PELI2: variants seen among roughly 807,000 people sequenced by gnomAD.
The protein encoded by PELI2 is pellino E3 ubiquitin protein ligase family member 2, also known as E3 ubiquitin-protein ligase pellino homolog 2.
PELI2 carries 23 observed loss-of-function variants against 42.3 expected under a neutral mutation model. The ratio of observed to expected loss-of-function variants is 0.54; its 90% CI spans 0.39 to 0.77. The LOEUF (loss-of-function observed/expected upper bound fraction) is 0.77, where lower values mean the gene tolerates loss of function less well. PELI2 is among the 30% of genes least tolerant of loss of function. The probability of loss-of-function intolerance (pLI) is 0.00; values close to 1 mark genes in which losing one functional copy is unlikely to be tolerated. For synonymous variants in PELI2, 245 were observed against 212.2 expected (o/e 1.15, Z -1.34); for missense variants, 463 against 553.2 (o/e 0.84, Z 1.64).
chr14:56,204,658 A>G (rs1886449895), intron 2 of PELI2, among the ~76,000 whole-genome samples: 1 of 151,922 alleles, frequency 6.6e-6, no homozygotes, highest in South Asian at 2.1e-4. Flanking sequence ...GTGTTTGGAG[A>G]AAGAGGAAAT....
chr14:56,232,103 C>T (rs1685807), intron 2 of PELI2, among the ~76,000 whole-genome samples: 61,161 of 151,660 alleles, frequency 0.4, 13,017 homozygotes, highest in South Asian at 0.53. Flanking sequence ...GCTCTGAAAT[C>T]GTGGCAATAA....
chr14:56,212,422 G>A (rs903001835), intron 2 of PELI2, among the ~76,000 whole-genome samples: 1 of 152,212 alleles, frequency 6.6e-6, no homozygotes, highest in Non-Finnish European at 1.5e-5. Flanking sequence ...AAGCCCTGAT[G>A]TCGTTGCCAT....
intron 2 of PELI2, among the ~76,000 whole-genome samples, chr14:56,232,165 G>C (rs36171593): frequency 6.6e-6 from 1 of 151,768 alleles, no homozygotes; most frequent in Admixed American, 6.6e-5. Flanking sequence ...TTCACAGCCA[G>C]ATTCTACCAG....
Position 56,301,506 on chromosome 14 carries a change from G to T in PELI2, c.*4340G>T, listed in dbSNP as rs1173605091. The T allele has an allele frequency of 6.6e-6, 1 of 152,088 alleles. No homozygotes were observed. The highest frequency in any genetic ancestry group is 2.4e-5 in the African/African-American group (1 of 41,416). 9.4% of individuals were successfully genotyped at this position (152,088 alleles called of 1,614,324 possible). A position where few individuals can be genotyped will look rare whatever the true frequency, so the allele number is the denominator to read the frequency against. On this transcript the variant is annotated 3_prime_UTR_variant, in exon 6 of 6. Coordinates refer to ENST00000267460, the MANE Select transcript of PELI2 (RefSeq NM_021255.3). ...AAATCCCCTACATTTTTTAATTAAA[G>T]AAATTTCCTTGGTGCCTATATTACT...
At chr14:56,246,013 C>G (rs1166417624) in intron 2 of PELI2, among the ~76,000 whole-genome samples, 3 of 152,172 alleles carry the variant, frequency 2.0e-5, no homozygotes, top group African/African-American at 7.2e-5. Flanking sequence ...ACTGTAGCTA[C>G]TAAACTAATA....
Position 56,270,711 on chromosome 14 carries a change from C to T in PELI2, c.208-8965C>T, listed in dbSNP as rs557747678. Among the ~76,000 whole-genome samples, 3 of 152,332 alleles carry T rather than the reference C, an allele frequency of 2.0e-5. 1 individual carries two copies. The South Asian group carries it at 6.2e-4, about 32-fold the overall frequency. ...TGCCATGTTTTATATACATCATTTT[C>T]TCTTCTTTAAATCCAGTGAAATCAG... On this transcript the variant is annotated intron_variant, in intron 2 of 5. Coordinates refer to ENST00000267460, the MANE Select transcript of PELI2 (RefSeq NM_021255.3).
chr14:56,281,245 G>A (rs2139876890), intron 3 of PELI2, among the ~76,000 whole-genome samples: 1 of 152,164 alleles, frequency 6.6e-6, no homozygotes, highest in East Asian at 1.9e-4. Context: ...GTATATACTA[G>A]TAAAAAACTA....
chr14:56,154,989 T>TA (rs1884496551), intron 1 of PELI2, among the ~76,000 whole-genome samples: 1 of 152,216 alleles, frequency 6.6e-6, no homozygotes, highest in Non-Finnish European at 1.5e-5. Context: ...ATTTATATGT[T>TA]AAAAAATGTT....
At chr14:56,160,144 G>A (rs904427098) in intron 1 of PELI2, among the ~76,000 whole-genome samples, 2 of 152,052 alleles carry the variant, frequency 1.3e-5, no homozygotes, top group African/African-American at 4.8e-5. Context: ...AAGTAACAGA[G>A]TGCTTGCCCA....
At chr14:56,167,985 A>G (rs1373847383) in intron 1 of PELI2, among the ~76,000 whole-genome samples, 2 of 152,214 alleles carry the variant, frequency 1.3e-5, no homozygotes. Flanking sequence ...TGCCAGGCAG[A>G]GACTCTTTTT....
intron 1 of PELI2, among the ~76,000 whole-genome samples, chr14:56,123,941 T>A (rs1249766520): frequency 6.6e-6 from 1 of 152,132 alleles, no homozygotes; most frequent in African/African-American, 2.4e-5. Flanking sequence ...TAGGTTGGCT[T>A]TTGAATGGAG....
At chr14:56,200,388 CAG>C (rs1886292053) in intron 2 of PELI2, among the ~76,000 whole-genome samples, 1 of 106,506 alleles carries the variant, frequency 9.4e-6, no homozygotes, top group African/African-American at 3.0e-5. Flanking sequence ...ATGTGAGGCA[CAG>C]AGTGTTAAGT....
chr14:56,208,680 C>G (rs182395912), intron 2 of PELI2, among the ~76,000 whole-genome samples: 46 of 152,274 alleles, frequency 3.0e-4, no homozygotes, highest in African/African-American at 1.1e-3. Context: ...TGAGTACTCA[C>G]GAGTTTTTAT....
intron 2 of PELI2, among the ~76,000 whole-genome samples, chr14:56,272,457 T>C (rs1159246698): frequency 1.3e-5 from 2 of 152,180 alleles, no homozygotes; most frequent in African/African-American, 4.8e-5. Flanking sequence ...AAGGCATACC[T>C]CTTTGGTATA....
intron 2 of PELI2, among the ~76,000 whole-genome samples, chr14:56,257,013 A>T (rs991892434): frequency 5.3e-5 from 8 of 152,186 alleles, no homozygotes; most frequent in Admixed American, 6.5e-5. Context: ...TTCAATATGA[A>T]TTTTAACGTT....
chr14:56,282,132 A>G (rs928957083), intron 3 of PELI2, among the ~76,000 whole-genome samples: 2 of 152,162 alleles, frequency 1.3e-5, no homozygotes, highest in Admixed American at 6.6e-5. Flanking sequence ...ATTGCTTAAT[A>G]GGAAAAGATT....
intron 2 of PELI2, among the ~76,000 whole-genome samples, chr14:56,204,873 T>C (rs2139714554): frequency 6.6e-6 from 1 of 151,402 alleles, no homozygotes; most frequent in South Asian, 2.1e-4. Context: ...CTACTAAAAA[T>C]ACAAAAAAGT....
At chr14:56,159,941 G>A (rs866117235) in intron 1 of PELI2, among the ~76,000 whole-genome samples, 2 of 150,988 alleles carry the variant, frequency 1.3e-5, no homozygotes, top group South Asian at 2.1e-4. Flanking sequence ...AAAAAGAAGA[G>A]GAGAAGGACT....
At chr14:56,139,368 A>G (rs1268863362) in intron 1 of PELI2, among the ~76,000 whole-genome samples, 1 of 152,220 alleles carries the variant, frequency 6.6e-6, no homozygotes, top group Non-Finnish European at 1.5e-5. Context: ...TTATGAAACT[A>G]TGAAAATTGA....
Sources: allele counts gnomAD v4.1 joint callset (sites outside exome capture counted in the v4.1 genomes callset), GRCh38; gene constraint gnomAD v4.1.1; transcripts MANE v1.5; gene names NCBI Gene and HGNC (gene_info 2026-07-23, HGNC 2026-07-21).